The following HOMEZ variants were observed in gnomAD, a reference collection of about 807,000 sequenced individuals.
The protein encoded by HOMEZ is homeobox and leucine zipper protein Homez.
Under a neutral mutation model 50.1 loss-of-function variants are expected in HOMEZ, and 20 were observed. The observed-to-expected ratio is 0.40, with a 90% CI of 0.28 to 0.58. HOMEZ has a LOEUF of 0.58. HOMEZ is among the 20% of genes least tolerant of loss of function. The pLI is 0.46. For synonymous variants in HOMEZ, 239 were observed against 254.7 expected, an observed-to-expected ratio of 0.94 and a Z score of 0.59; for missense variants, 579 against 680.5, an observed-to-expected ratio of 0.85 and a Z score of 1.66.
At position 23,276,008 on chromosome 14, in the gene HOMEZ, G is replaced by A; in HGVS notation, c.1220C>T (p.Thr407Ile). The change falls in exon 2 of 2, where the codon ACA becomes ATA. Residue 407 changes from threonine (T) to isoleucine (I), a missense_variant. Coordinates refer to ENST00000357460, the MANE Select transcript of HOMEZ (RefSeq NM_020834.3). This position sits in a 1 kb window ranked among gnomAD's most constrained non-coding sequence, Gnocchi z 4.1. ...RPEIIQWFGD[T>I]RYALKHGQLK... is the part of the protein sequence containing the mutation. ...TTGCCCATGCTTCAAGGCATAGCGT[G>A]TGTCACCAAACCACTGAATGATCTC... The A allele has an allele frequency of 6.8e-6, 11 of 1,613,524 alleles. No homozygotes were observed. Among genetic ancestry groups the A allele is most frequent in the Non-Finnish European group, 9.3e-6 (11 of 1,179,652 alleles).
Position 23,272,934 on chromosome 14 carries a change from A to AT in HOMEZ, c.*2640_*2641insA. 1.7e-6 allele frequency: 2 copies of AT among 1,211,678 alleles called. No individual in the cohort carries two copies. Among genetic ancestry groups the AT allele is most frequent in the South Asian group, 2.9e-5 (2 of 68,902 alleles). 75.1% of individuals were successfully genotyped at this position (1,211,678 alleles called of 1,614,324 possible). On this transcript the variant is annotated 3_prime_UTR_variant, in exon 2 of 2. Coordinates refer to ENST00000357460, the MANE Select transcript of HOMEZ (RefSeq NM_020834.3). The stretch of plus-strand genomic sequence containing the variant: ...ATCTATACATGCTGCTGAAGGATGG[A>AT]CTGTAGCTTCCAGTACGCATTAGGG...
Position 23,277,166 on chromosome 14 carries a change from G to T in HOMEZ, c.62C>A (p.Ser21Ter). 1.3e-6 allele frequency: 2 copies of T among 1,591,360 alleles called. No homozygotes were observed. Among genetic ancestry groups the T allele is most frequent in the Non-Finnish European group, 1.7e-6 (2 of 1,168,382 alleles). ...LDCAISEGHK[S>*]EGTMPPNKEA... ...TTTATTAGGAGGCATGGTGCCTTCTGATTTGTGCCCTTCAGAGATAGCTGC... is the reference window on the plus strand; with the variant it reads ...TTTATTAGGAGGCATGGTGCCTTCTTATTTGTGCCCTTCAGAGATAGCTGC... The change falls in exon 2 of 2, where the codon TCA (serine) becomes TAA (stop). Residue 21 changes from serine to a stop codon, truncating the protein, a stop_gained. Transcript: ENST00000357460. LOFTEE classifies it high-confidence loss of function.
intron 1 of HOMEZ, among the ~76,000 whole-genome samples, chr14:23,278,083 C>T (rs1246827612): frequency 3.3e-5 from 5 of 151,848 alleles, no homozygotes; most frequent in Non-Finnish European, 7.4e-5. Context: ...TGCCTCTGGC[C>T]TCCCAAAGCT....
intron 1 of HOMEZ, among the ~76,000 whole-genome samples, chr14:23,282,019 T>C (rs539786634): frequency 6.6e-6 from 1 of 151,862 alleles, no homozygotes; most frequent in African/African-American, 2.4e-5. Context: ...AAAAAGCACC[T>C]ACCCAGCAAG....
At position 23,272,819 on chromosome 14, in the gene HOMEZ, G is replaced by A; in HGVS notation, c.*2756C>T. ...CACATCTACCTTCTTGTCCTCTGCT[G>A]CAGACTCTCTACCAACAACGGAGGC... is the stretch of plus-strand genomic sequence containing the variant. On this transcript the variant is annotated 3_prime_UTR_variant, in exon 2 of 2. Transcript: ENST00000357460. The A allele has an allele frequency of 2.6e-6, 4 of 1,546,214 alleles. No individual in the cohort carries two copies. The highest frequency in any genetic ancestry group is 3.5e-6 in the Non-Finnish European group (4 of 1,143,580).
At position 23,273,022 on chromosome 14, in the gene HOMEZ, C is replaced by T. The variant is rs1886227955; in HGVS notation, c.*2553G>A. The T allele has an allele frequency of 5.3e-6, 3 of 566,622 alleles. No individual in the cohort carries two copies. Among genetic ancestry groups the T allele is most frequent in the African/African-American group, 2.0e-5 (1 of 50,864 alleles). The allele number at this position is 566,622 out of a possible 1,614,324, so 35.1% of individuals were successfully genotyped here. ...TAGTTTCACTCTGTACCTTATGCTCCCCCCATCTTTACCCTATTCACCCTT... is the reference window on the plus strand; with the variant it reads ...TAGTTTCACTCTGTACCTTATGCTCTCCCCATCTTTACCCTATTCACCCTT... On this transcript the variant is annotated 3_prime_UTR_variant, in exon 2 of 2. Coordinates refer to ENST00000357460, the MANE Select transcript of HOMEZ (RefSeq NM_020834.3).
chr14:23,275,449 C>G lies in HOMEZ; in HGVS notation c.*126G>C, dbSNP rs957334045. ...TCACTATATCCCCCTGCCACCCACC[C>G]TGAAGAACACAAAGCTTTTTAGTTC... On this transcript the variant is annotated 3_prime_UTR_variant, in exon 2 of 2. Coordinates refer to ENST00000357460, the MANE Select transcript of HOMEZ (RefSeq NM_020834.3). The G allele has an allele frequency of 1.5e-5, 19 of 1,297,666 alleles. No individual in the cohort carries two copies. Among genetic ancestry groups the G allele is most frequent in the Non-Finnish European group, 2.0e-5 (19 of 961,252 alleles). 80.4% of individuals were successfully genotyped at this position (1,297,666 alleles called of 1,614,324 possible).
In HOMEZ at chr14:23,276,642, G is replaced by T; in HGVS notation, c.586C>A (p.Gln196Lys). 1 of 1,614,034 alleles carries T rather than the reference G, an allele frequency of 6.2e-7. No individual in the cohort carries two copies. Among genetic ancestry groups the T allele is most frequent in the Non-Finnish European group, 8.5e-7 (1 of 1,179,894 alleles). ...GACTCCTTTAATTTCTGGTGACTCT[G>T]TGGCAGTGGTGGCATCTGAGAGGGC... ...EEPSQMPPLP[Q>K]SHQKLKESLM... Residue 196 changes from glutamine to lysine, a missense_variant, in exon 2 of 2, where the codon CAG becomes AAG. Coordinates refer to ENST00000357460, the MANE Select transcript of HOMEZ (RefSeq NM_020834.3). This position sits in a 1 kb window ranked among gnomAD's most constrained non-coding sequence, Gnocchi z 4.1.
Position 23,280,701 on chromosome 14 carries a change from A to ATTT in HOMEZ, c.41-3515_41-3514insAAA, listed in dbSNP as rs1349289532. On this transcript the variant is annotated intron_variant, in intron 1 of 1. Coordinates refer to ENST00000357460, the MANE Select transcript of HOMEZ (RefSeq NM_020834.3). ...TCTGTTATATTTTATTTTTATTTTT[A>ATTT]TATTTTTATTTTTATTTTATTTTAT... Among the ~76,000 whole-genome samples the ATTT allele has an allele frequency of 9.1e-4, 64 of 70,022 alleles. 2 individuals are homozygous for ATTT. Among genetic ancestry groups the ATTT allele is most frequent in the South Asian group, 8.8e-3 (17 of 1,928 alleles). The allele number at this position is 70,022 out of a possible 152,430, so 45.9% of individuals were successfully genotyped here.
intron 1 of HOMEZ, among the ~76,000 whole-genome samples, chr14:23,280,709 A>ATTTTT (rs1031806493): frequency 2.0e-5 from 1 of 49,800 alleles, no homozygotes; most frequent in Non-Finnish European, 4.9e-5. Context: ...TTATATTTTT[A>ATTTTT]TTTTTATTTT....
chr14:23,277,823 G>A (rs1236405401), intron 1 of HOMEZ, among the ~76,000 whole-genome samples: 1 of 151,796 alleles, frequency 6.6e-6, no homozygotes, highest in Non-Finnish European at 1.5e-5. Context: ...GTATGTGTGT[G>A]TCTGTGTGTG....
At chr14:23,280,740 A>ATTTTATTTTATTTTATTTTATTTTATT (rs35341745) in intron 1 of HOMEZ, among the ~76,000 whole-genome samples, 10 of 41,264 alleles carry the variant, frequency 2.4e-4, no homozygotes, top group African/African-American at 3.1e-4. Context: ...ATTTTATTTT[A>ATTTTATTTTATTTTATTTTATTTTATT]TTATTTTATT....
At position 23,273,033 on chromosome 14, in the gene HOMEZ, ACCCT is replaced by A; in HGVS notation, c.*2538_*2541del. On this transcript the variant is annotated 3_prime_UTR_variant, in exon 2 of 2. Transcript: ENST00000357460. ...TGTACCTTATGCTCCCCCCATCTTT[ACCCT>A]ATTCACCCTTATCACCTCCCAGGAC... 1 of 529,928 alleles carries A rather than the reference ACCCT, an allele frequency of 1.9e-6. No homozygotes were observed. Among genetic ancestry groups the A allele is most frequent in the Non-Finnish European group, 3.3e-6 (1 of 302,210 alleles). The allele number at this position is 529,928 out of a possible 1,614,324, so 32.8% of individuals were successfully genotyped here. A position where few individuals can be genotyped will look rare whatever the true frequency, so the allele number is the denominator to read the frequency against.
Position 23,286,085 on chromosome 14 carries a change from G to T in HOMEZ, c.-133C>A, listed in dbSNP as rs141450432. 4 of 1,230,500 alleles carry T rather than the reference G, an allele frequency of 3.3e-6. No individual in the cohort carries two copies. The South Asian group carries it at 1.6e-4, about 51-fold the overall frequency. The allele number at this position is 1,230,500 out of a possible 1,614,324, so 76.2% of individuals were successfully genotyped here. On this transcript the variant is annotated 5_prime_UTR_variant, in exon 1 of 2. Transcript: ENST00000357460. ...TGCCCCCCCCACCGTCCCCGGGAGC[G>T]CGCCGGTCTACCCAGCCCTGCTCGA...
At chr14:23,283,385 T>A (rs1238325468) in intron 1 of HOMEZ, among the ~76,000 whole-genome samples, 1 of 151,838 alleles carries the variant, frequency 6.6e-6, no homozygotes, top group African/African-American at 2.4e-5. Context: ...AATAAATATA[T>A]AAATTTTAAA....
At chr14:23,283,619 G>T (rs960259830) in intron 1 of HOMEZ, among the ~76,000 whole-genome samples, 1 of 152,196 alleles carries the variant, frequency 6.6e-6, no homozygotes. Flanking sequence ...GCGAGGCTGG[G>T]TCTAATGGCT....
At chr14:23,282,726 T>TA (rs1886582497) in intron 1 of HOMEZ, among the ~76,000 whole-genome samples, 2 of 152,254 alleles carry the variant, frequency 1.3e-5, no homozygotes, top group African/African-American at 4.8e-5. Flanking sequence ...TTAAAAGCTG[T>TA]AAGGAAGCAT....
In HOMEZ at chr14:23,275,486, G is replaced by C; in HGVS notation, c.*89C>G. On this transcript the variant is annotated 3_prime_UTR_variant, in exon 2 of 2. Transcript: ENST00000357460. The stretch of plus-strand genomic sequence containing the variant: ...AAGCTTTTTAGTTCTCTGCCACAAG[G>C]TAATTTTAAAAATGTGGTTTCTTTG... The C allele has an allele frequency of 6.9e-7, 1 of 1,453,256 alleles. No homozygotes were observed. The highest frequency in any genetic ancestry group is 9.1e-7 in the Non-Finnish European group (1 of 1,097,556). The allele number at this position is 1,453,256 out of a possible 1,614,324, so 90.0% of individuals were successfully genotyped here.
At chr14:23,277,904 A>T (rs1051002276) in intron 1 of HOMEZ, among the ~76,000 whole-genome samples, 1 of 138,092 alleles carries the variant, frequency 7.2e-6, no homozygotes, top group East Asian at 2.2e-4. Flanking sequence ...ATCTTGGCTC[A>T]CTGCAACCTC....
Sources: allele counts gnomAD v4.1 joint callset (sites outside exome capture counted in the v4.1 genomes callset), GRCh38; gene constraint gnomAD v4.1.1; non-coding constraint Gnocchi (gnomAD v3.1); transcripts MANE v1.5; gene names NCBI Gene and HGNC (gene_info 2026-07-23, HGNC 2026-07-21).